The following CADM1 variants were observed in gnomAD, a reference collection of about 807,000 sequenced individuals.
CADM1 encodes cell adhesion molecule 1.
In CADM1, 15 loss-of-function variants were observed where a neutral mutation model predicts 53.1. The observed-to-expected ratio is 0.28, with a 90% CI of 0.19 to 0.44. The LOEUF (loss-of-function observed/expected upper bound fraction) is 0.44. Among genes scored for constraint, CADM1 ranks in the 20% least tolerant of loss-of-function variants. The pLI is 1.00. For synonymous variants in CADM1, 281 were observed against 243.0 expected (o/e 1.16, Z -1.45); for missense variants, 434 against 611.3 (o/e 0.71, Z 3.06).
Position 115,178,750 on chromosome 11 carries a change from C to G in CADM1, c.1191G>C (p.Ser397=), listed in dbSNP as rs552336980. 1 of 1,614,002 alleles carries G rather than the reference C, an allele frequency of 6.2e-7. No individual in the cohort carries two copies. Among genetic ancestry groups the G allele is most frequent in the Non-Finnish European group, 8.5e-7 (1 of 1,180,006 alleles). The change falls in exon 11 of 12, where the codon TCG becomes TCC. Residue 397 remains serine, a synonymous_variant. Transcript: ENST00000331581. The part of the protein sequence containing the change: ...LSDSRAGEEG[S]IRAVDHAVIG... The stretch of plus-strand genomic sequence containing the variant: ...TCACGGCATGATCCACTGCCCTGAT[C>G]GAGCCTTCTTCACCTGCTCGGGAAT...
intron 8 of CADM1, among the ~76,000 whole-genome samples, chr11:115,201,720 A>C (rs1295060678): frequency 6.6e-6 from 1 of 152,186 alleles, no homozygotes; most frequent in Non-Finnish European, 1.5e-5. Context: ...TTAAAAAAAA[A>C]AAATCTTTGA....
chr11:115,418,934 T>C (rs888513838), intron 1 of CADM1, among the ~76,000 whole-genome samples: 1 of 152,202 alleles, frequency 6.6e-6, no homozygotes, highest in South Asian at 2.1e-4. Context: ...CATTGAATCA[T>C]AATTTAGAAT....
In CADM1 at chr11:115,173,529, C is replaced by G. The variant is rs1004965385; in HGVS notation, c.*2945G>C. The G allele has an allele frequency of 6.3e-6, 1 of 158,190 alleles. No homozygotes were observed. Among genetic ancestry groups the G allele is most frequent in the East Asian group, 1.9e-4 (1 of 5,210 alleles). The allele number at this position is 158,190 out of a possible 1,614,324, so 9.8% of individuals were successfully genotyped here. On this transcript the variant is annotated 3_prime_UTR_variant, in exon 12 of 12. Transcript: ENST00000331581. ...TAGCATCTACTGCCAGCGTTCCTGGCCCCGTACATGGTCCTAAGGAGGAAG... is the reference window on the plus strand; with the variant it reads ...TAGCATCTACTGCCAGCGTTCCTGGGCCCGTACATGGTCCTAAGGAGGAAG...
In CADM1 at chr11:115,176,096, A is replaced by G. The variant is rs1939014083; in HGVS notation, c.*378T>C. 2 of 1,070,698 alleles carry G rather than the reference A, an allele frequency of 1.9e-6. No individual in the cohort carries two copies. Among genetic ancestry groups the G allele is most frequent in the South Asian group, 2.9e-5 (1 of 34,996 alleles). 66.3% of individuals were successfully genotyped at this position (1,070,698 alleles called of 1,614,324 possible). A position where few individuals can be genotyped will look rare whatever the true frequency, so the allele number is the denominator to read the frequency against. ...TCCAAAATGGGAGATTTTGGAAAAA[A>G]TCCGAAATTGGGGTAGAGGGAGGAA... On this transcript the variant is annotated 3_prime_UTR_variant, in exon 12 of 12. Transcript: ENST00000331581.
intron 1 of CADM1, among the ~76,000 whole-genome samples, chr11:115,295,399 T>C (rs1944023911): frequency 6.6e-6 from 1 of 151,064 alleles, no homozygotes; most frequent in Non-Finnish European, 1.5e-5. Context: ...CTCCCACTGC[T>C]TCTGCCCTGG....
intron 1 of CADM1, among the ~76,000 whole-genome samples, chr11:115,439,196 T>C (rs1240507551): frequency 6.8e-6 from 1 of 146,346 alleles, no homozygotes; most frequent in Non-Finnish European, 1.6e-5. Context: ...AGGTATCCAT[T>C]ACCACCAAAG....
In CADM1 at chr11:115,499,238, T is replaced by G. The variant is rs984246632; in HGVS notation, c.124+5033A>C. On this transcript the variant is annotated intron_variant, in intron 1 of 11. Transcript: ENST00000331581. The stretch of plus-strand genomic sequence containing the variant: ...CTTAGTTATACAGAACCAGTTCTAC[T>G]GCTAATATTAATCCTTGAAAAGACA... 2.0e-5 allele frequency among the ~76,000 whole-genome samples: 3 copies of G among 152,240 alleles called. No homozygotes were observed. In the East Asian group the frequency reaches 5.8e-4, roughly 29 times the overall value.
intron 5 of CADM1, among the ~76,000 whole-genome samples, chr11:115,223,165 G>C (rs1941468794): frequency 6.6e-6 from 1 of 152,148 alleles, no homozygotes; most frequent in Admixed American, 6.6e-5. Flanking sequence ...CAGATCACGA[G>C]TTCCCGTTAG....
At chr11:115,308,654 T>C (rs1011349516) in intron 1 of CADM1, among the ~76,000 whole-genome samples, 5 of 152,054 alleles carry the variant, frequency 3.3e-5, no homozygotes, top group Admixed American at 2.6e-4. Context: ...AACTTTTCTG[T>C]AGAGTGTGAG....
chr11:115,201,485 G>T (rs931032998), intron 8 of CADM1, among the ~76,000 whole-genome samples: 2 of 152,176 alleles, frequency 1.3e-5, no homozygotes, highest in Non-Finnish European at 2.9e-5. Context: ...ACTCTGTGAG[G>T]CAGGATTTAT....
At chr11:115,503,307 C>T (rs2135451698) in intron 1 of CADM1, among the ~76,000 whole-genome samples, 1 of 152,342 alleles carries the variant, frequency 6.6e-6, no homozygotes, top group East Asian at 1.9e-4. Flanking sequence ...TGCTCGGTGT[C>T]TTCAGGGAAG....
intron 1 of CADM1, among the ~76,000 whole-genome samples, chr11:115,428,113 C>A (rs1353890149): frequency 6.6e-6 from 1 of 150,646 alleles, no homozygotes; most frequent in South Asian, 2.1e-4. Context: ...ATTAGATGAA[C>A]CTGTTCTACC....
At chr11:115,342,842 T>A (rs917628266) in intron 1 of CADM1, among the ~76,000 whole-genome samples, 1 of 152,160 alleles carries the variant, frequency 6.6e-6, no homozygotes, top group African/African-American at 2.4e-5. Context: ...CCTCTGCCTA[T>A]GCTGGTAAAT....
At chr11:115,387,333 T>A (rs1946724132) in intron 1 of CADM1, among the ~76,000 whole-genome samples, 1 of 151,698 alleles carries the variant, frequency 6.6e-6, no homozygotes, top group Admixed American at 6.6e-5. Flanking sequence ...GTTCCACATA[T>A]TCAAAAAATA....
intron 5 of CADM1, among the ~76,000 whole-genome samples, chr11:115,223,747 T>C (rs1477373163): frequency 6.6e-6 from 1 of 152,162 alleles, no homozygotes; most frequent in East Asian, 1.9e-4. Context: ...TAACAATCTA[T>C]AGTCCTTATA....
chr11:115,326,332 G>A (rs1190207108), intron 1 of CADM1, among the ~76,000 whole-genome samples: 1 of 152,004 alleles, frequency 6.6e-6, no homozygotes, highest in African/African-American at 2.4e-5. Context: ...TCTGGTTTCT[G>A]GGTTCTAATA....
intron 1 of CADM1, among the ~76,000 whole-genome samples, chr11:115,320,213 T>C (rs1257997535): frequency 6.6e-6 from 1 of 152,082 alleles, no homozygotes; most frequent in East Asian, 1.9e-4. Context: ...CATGCCACCA[T>C]GGCTGACTAA....
chr11:115,438,842 C>T (rs1401241683), intron 1 of CADM1, among the ~76,000 whole-genome samples: 1 of 152,170 alleles, frequency 6.6e-6, no homozygotes, highest in African/African-American at 2.4e-5. Flanking sequence ...ATCACTGCCT[C>T]CTTTTCAGAA....
chr11:115,346,462 G>A (rs1406889539), intron 1 of CADM1, among the ~76,000 whole-genome samples: 5 of 152,078 alleles, frequency 3.3e-5, no homozygotes, highest in African/African-American at 1.2e-4. Context: ...TGAATTCCTG[G>A]CCTTAAGCTA....
Sources: allele counts gnomAD v4.1 joint callset (sites outside exome capture counted in the v4.1 genomes callset), GRCh38; gene constraint gnomAD v4.1.1; transcripts MANE v1.5; gene names NCBI Gene and HGNC (gene_info 2026-07-23, HGNC 2026-07-21).